Variants in CCDC148 observed in about 807,000 individuals in gnomAD.
The protein encoded by CCDC148 is coiled-coil domain-containing protein 148.
In CCDC148, 89 loss-of-function variants were observed where a neutral mutation model predicts 85.7. The ratio of observed to expected loss-of-function variants is 1.04; its 90% CI spans 0.87 to 1.24. The LOEUF is 1.24. Ranked by LOEUF, CCDC148 falls within the 50% of genes most tolerant of loss-of-function variation. CCDC148 has a pLI of 0.00. For missense variants in CCDC148, 692 were observed against 671.7 expected, an observed-to-expected ratio of 1.03 and a Z score of -0.33; for synonymous variants, 230 against 213.9, an observed-to-expected ratio of 1.08 and a Z score of -0.66.
chr2:158,326,103 C>T (rs1574624782), intron 7 of CCDC148, among the ~76,000 whole-genome samples: 1 of 152,028 alleles, frequency 6.6e-6, no homozygotes, highest in African/African-American at 2.4e-5. Context: ...AAATGTCCTG[C>T]CCCCCATCCA....
chr2:158,209,572 G>A (rs1045617634), intron 11 of CCDC148, among the ~76,000 whole-genome samples: 5 of 152,098 alleles, frequency 3.3e-5, no homozygotes, highest in Non-Finnish European at 7.4e-5. Flanking sequence ...GAGAAAGGTT[G>A]GGTTACCCAC....
chr2:158,449,027 C>T (rs962633936), intron 1 of CCDC148, among the ~76,000 whole-genome samples: 2 of 151,938 alleles, frequency 1.3e-5, no homozygotes, highest in African/African-American at 4.8e-5. Flanking sequence ...AGCATTTCAC[C>T]ATGTTGGCCA....
At chr2:158,293,487 G>T (rs1434019940) in intron 9 of CCDC148, among the ~76,000 whole-genome samples, 1 of 152,160 alleles carries the variant, frequency 6.6e-6, no homozygotes, top group Non-Finnish European at 1.5e-5. Context: ...AGCAAGTGCA[G>T]GTAGGGAGGA....
chr2:158,257,331 A>C (rs1689051716), intron 9 of CCDC148, among the ~76,000 whole-genome samples: 1 of 151,840 alleles, frequency 6.6e-6, no homozygotes, highest in Non-Finnish European at 1.5e-5. Context: ...CCTAAATGTT[A>C]CTATAAGCTT....
At chr2:158,373,271 C>A (rs571481533) in intron 1 of CCDC148, among the ~76,000 whole-genome samples, 1 of 152,122 alleles carries the variant, frequency 6.6e-6, no homozygotes, top group African/African-American at 2.4e-5. Flanking sequence ...AACAGATTCT[C>A]CCCTAGAGGC....
At chr2:158,323,819 C>T (rs1162494760) in intron 7 of CCDC148, among the ~76,000 whole-genome samples, 1 of 151,430 alleles carries the variant, frequency 6.6e-6, no homozygotes, top group African/African-American at 2.4e-5. Context: ...GTCTCCTCTT[C>T]ACCCTTTAAC....
intron 1 of CCDC148, among the ~76,000 whole-genome samples, chr2:158,363,083 C>G (rs1574697664): frequency 6.6e-6 from 1 of 152,108 alleles, no homozygotes; most frequent in East Asian, 1.9e-4. Flanking sequence ...TGGATAAATT[C>G]CTGGACACAT....
At chr2:158,282,365 A>T (rs1690366034) in intron 9 of CCDC148, among the ~76,000 whole-genome samples, 1 of 152,218 alleles carries the variant, frequency 6.6e-6, no homozygotes, top group South Asian at 2.1e-4. Context: ...ACATGATTGT[A>T]TATCTAGAAA....
chr2:158,276,468 A>G (rs1356780900), intron 9 of CCDC148, among the ~76,000 whole-genome samples: 1 of 152,034 alleles, frequency 6.6e-6, no homozygotes. Context: ...AAACAAAAAA[A>G]CTGCCTCGTT....
At chr2:158,376,945 G>T (rs369711386) in intron 1 of CCDC148, among the ~76,000 whole-genome samples, 79 of 152,058 alleles carry the variant, frequency 5.2e-4, no homozygotes, top group African/African-American at 1.8e-3. Flanking sequence ...CAGTGACTGA[G>T]GATGAGCAGC....
In CCDC148 at chr2:158,442,949, G is replaced by T. The variant is rs574414133; in HGVS notation, c.25+13466C>A. ...GCAGTCTGGCTCCAACGCCTGCAAA[G>T]GTTTCCATTCTACCCTCTCTCAGTA... On this transcript the variant is annotated intron_variant, in intron 1 of 13. Coordinates refer to ENST00000283233, the MANE Select transcript of CCDC148 (RefSeq NM_138803.4). Among the ~76,000 whole-genome samples, 6 of 152,296 alleles carry T rather than the reference G, an allele frequency of 3.9e-5. No individual in the cohort carries two copies. The East Asian group carries it at 9.7e-4, about 25-fold the overall frequency.
intron 1 of CCDC148, among the ~76,000 whole-genome samples, chr2:158,393,477 G>T (rs1442047450): frequency 6.6e-6 from 1 of 152,120 alleles, no homozygotes; most frequent in Non-Finnish European, 1.5e-5. Flanking sequence ...TATAGGGAAA[G>T]GGAAGGCCTT....
At chr2:158,456,368 T>A in intron 1 of CCDC148, 47 bp downstream of exon 1, 1 of 1,593,084 alleles carries the variant, frequency 6.3e-7, no homozygotes, top group Non-Finnish European at 8.6e-7. Context: ...GGTGGCTCAG[T>A]GACGTCAGGA....
chr2:158,419,644 T>C (rs554352889), intron 1 of CCDC148, among the ~76,000 whole-genome samples: 1 of 152,214 alleles, frequency 6.6e-6, no homozygotes, highest in Admixed American at 6.5e-5. Flanking sequence ...GCTAGGAACA[T>C]ATGAGATAAT....
At chr2:158,212,125 A>G (rs185041588) in intron 11 of CCDC148, among the ~76,000 whole-genome samples, 21 of 152,306 alleles carry the variant, frequency 1.4e-4, no homozygotes, top group African/African-American at 4.6e-4. Flanking sequence ...AAAATACAAA[A>G]CAGACAGTCC....
At chr2:158,201,297 C>T (rs1393290244) in intron 11 of CCDC148, among the ~76,000 whole-genome samples, 1 of 152,010 alleles carries the variant, frequency 6.6e-6, no homozygotes, top group East Asian at 1.9e-4. Context: ...GTCTCAATAC[C>T]AGTGTTACCA....
At chr2:158,351,514 C>T (rs1341109296) in intron 2 of CCDC148, among the ~76,000 whole-genome samples, 3 of 151,738 alleles carry the variant, frequency 2.0e-5, no homozygotes, top group Non-Finnish European at 4.4e-5. Context: ...TGCGCTTTTC[C>T]GACCGGCTTA....
chr2:158,313,402 T>A (rs983338714), intron 8 of CCDC148, among the ~76,000 whole-genome samples: 1 of 152,296 alleles, frequency 6.6e-6, no homozygotes, highest in Non-Finnish European at 1.5e-5. Flanking sequence ...GGCATTTCAC[T>A]TTCAGGCAAG....
At chr2:158,436,542 C>T (rs1574819996) in intron 1 of CCDC148, among the ~76,000 whole-genome samples, 2 of 152,244 alleles carry the variant, frequency 1.3e-5, no homozygotes, top group Admixed American at 1.3e-4. Flanking sequence ...CTAAAATGGA[C>T]ACCCTAACAT....
Sources: allele counts gnomAD v4.1 joint callset (sites outside exome capture counted in the v4.1 genomes callset), GRCh38; gene constraint gnomAD v4.1.1; transcripts MANE v1.5; gene names NCBI Gene and HGNC (gene_info 2026-07-23, HGNC 2026-07-21).